Variants in RALYL observed in about 807,000 individuals in gnomAD.
The protein encoded by RALYL is RALY RNA binding protein like, also known as RNA-binding Raly-like protein.
Under a neutral mutation model 35.1 loss-of-function variants are expected in RALYL, and 29 were observed. The ratio of observed to expected loss-of-function variants is 0.83; its 90% confidence interval spans 0.61 to 1.13. The LOEUF (loss-of-function observed/expected upper bound fraction) is 1.13. Among genes scored for constraint, RALYL ranks in the 50% most tolerant of loss-of-function variants. The pLI, the probability that RALYL is intolerant of heterozygous loss-of-function variation, is 0.00. For missense variants in RALYL, 359 were observed against 360.4 expected (o/e 1.00, Z 0.03); for synonymous variants, 120 against 127.6 (o/e 0.94, Z 0.40).
chr8:84,654,300 T>TGCTGCGC (rs1564316587), intron 2 of RALYL, among the ~76,000 whole-genome samples: 1 of 130,348 alleles, frequency 7.7e-6, no homozygotes, highest in Non-Finnish European at 1.7e-5. Context: ...TATATATATA[T>TGCTGCGC]ATATATATAT....
intron 6 of RALYL, among the ~76,000 whole-genome samples, chr8:84,865,341 G>A (rs923558302): frequency 1.3e-5 from 2 of 152,056 alleles, no homozygotes; most frequent in African/African-American, 4.8e-5. Flanking sequence ...AGCATTTAAT[G>A]GTTTGGCAAG....
intron 2 of RALYL, among the ~76,000 whole-genome samples, chr8:84,633,936 A>T (rs907931345): frequency 6.6e-6 from 1 of 151,882 alleles, no homozygotes; most frequent in African/African-American, 2.4e-5. Context: ...ACGAAATTAC[A>T]GGTTTGTACC....
At chr8:84,335,521 A>G (rs1847605318) in intron 1 of RALYL, among the ~76,000 whole-genome samples, 1 of 152,018 alleles carries the variant, frequency 6.6e-6, no homozygotes, top group Non-Finnish European at 1.5e-5. Flanking sequence ...CCTATTGTGC[A>G]AACTGTGGGG....
At chr8:84,548,785 C>T (rs1424982542) in intron 2 of RALYL, among the ~76,000 whole-genome samples, 2 of 152,000 alleles carry the variant, frequency 1.3e-5, no homozygotes, top group Non-Finnish European at 2.9e-5. Flanking sequence ...CATTTTTTCT[C>T]TTTTTCTTTT....
At chr8:84,907,310 TCACACA>T (rs71273918) in intron 8 of RALYL, among the ~76,000 whole-genome samples, 48,614 of 147,648 alleles carry the variant, frequency 0.33, 8,453 homozygotes, top group South Asian at 0.38. Flanking sequence ...AGATATAGCG[TCACACA>T]CACACACACA....
chr8:84,615,570 CTTTTTTTTTTTTTTTTT>C (rs60428128), intron 2 of RALYL, among the ~76,000 whole-genome samples: 13 of 67,394 alleles, frequency 1.9e-4, no homozygotes, highest in African/African-American at 7.1e-4. Flanking sequence ...GAACTTTCGT[CTTTTTTTTTTTTTTTTT>C]TTTTTTTTTT....
At chr8:84,535,602 A>ATTATTTTATTATTTTATTTTATT (rs1554711590) in intron 2 of RALYL, among the ~76,000 whole-genome samples, 2 of 138,394 alleles carry the variant, frequency 1.4e-5, no homozygotes, top group Admixed American at 7.2e-5. Context: ...CGCCCGGCTA[A>ATTATTTTATTATTTTATTTTATT]TTATTTTATT....
intron 1 of RALYL, among the ~76,000 whole-genome samples, chr8:84,221,318 G>C (rs1586293266): frequency 1.3e-5 from 2 of 151,812 alleles, no homozygotes; most frequent in African/African-American, 4.8e-5. Flanking sequence ...TGCGTGCAAA[G>C]AGAAAGAACT....
At chr8:84,475,121 G>A (rs199851821) in intron 1 of RALYL, among the ~76,000 whole-genome samples, 12 of 151,378 alleles carry the variant, frequency 7.9e-5, no homozygotes, top group South Asian at 2.1e-4. Flanking sequence ...CCAAGTGTTC[G>A]CATTGTTCAA....
At chr8:84,247,748 C>T (rs564272898) in intron 1 of RALYL, among the ~76,000 whole-genome samples, 8 of 152,220 alleles carry the variant, frequency 5.3e-5, no homozygotes, top group Non-Finnish European at 1.0e-4. Flanking sequence ...CACGTCTAAT[C>T]GAAGTGAGCC....
At chr8:84,668,570 G>A (rs1485349894) in intron 2 of RALYL, among the ~76,000 whole-genome samples, 1 of 152,172 alleles carries the variant, frequency 6.6e-6, no homozygotes, top group African/African-American at 2.4e-5. Flanking sequence ...CAGTTTGTTG[G>A]TGTAGCAAGG....
At chr8:84,257,136 T>C (rs1468298908) in intron 1 of RALYL, among the ~76,000 whole-genome samples, 1 of 152,050 alleles carries the variant, frequency 6.6e-6, no homozygotes. Context: ...GTTTTTTTAC[T>C]CTTGAGTATA....
At chr8:84,573,548 CA>C (rs1808558924) in intron 2 of RALYL, among the ~76,000 whole-genome samples, 2 of 151,688 alleles carry the variant, frequency 1.3e-5, no homozygotes, top group South Asian at 4.1e-4. Flanking sequence ...TAGATTTATC[CA>C]GTAAGGTTTT....
At chr8:84,767,857 T>C (rs1814490507) in intron 2 of RALYL, among the ~76,000 whole-genome samples, 1 of 152,332 alleles carries the variant, frequency 6.6e-6, no homozygotes, top group East Asian at 1.9e-4. Context: ...GCCTGGTATA[T>C]AGGCATCTGT....
chr8:84,449,108 T>G (rs711008), intron 1 of RALYL, among the ~76,000 whole-genome samples: 3 of 150,428 alleles, frequency 2.0e-5, no homozygotes, highest in Non-Finnish European at 4.4e-5. Context: ...GGTGTGCTAA[T>G]TGCAAAGTGA....
chr8:84,919,475 C>G (rs535105889), intron 8 of RALYL, among the ~76,000 whole-genome samples: 1 of 152,134 alleles, frequency 6.6e-6, no homozygotes, highest in East Asian at 1.9e-4. Flanking sequence ...AAGTTCGAAC[C>G]TTTGTGCCTT....
chr8:84,250,858 C>T (rs1378155200), intron 1 of RALYL, among the ~76,000 whole-genome samples: 1 of 152,022 alleles, frequency 6.6e-6, no homozygotes, highest in Non-Finnish European at 1.5e-5. Flanking sequence ...ATTTTCACTC[C>T]CTCAACCTTT....
intron 2 of RALYL, among the ~76,000 whole-genome samples, chr8:84,541,609 G>A (rs2060021226): frequency 6.6e-6 from 1 of 151,912 alleles, no homozygotes; most frequent in Non-Finnish European, 1.5e-5. Flanking sequence ...GAATTACTCT[G>A]ACCTTCCGCA....
intron 6 of RALYL, among the ~76,000 whole-genome samples, chr8:84,866,511 C>G (rs1839200309): frequency 6.6e-6 from 1 of 152,040 alleles, no homozygotes; most frequent in Admixed American, 6.6e-5. Context: ...ATTGCTGAAC[C>G]TAGAATCCAA....
Sources: gnomAD v4.1 joint callset for allele counts (sites outside exome capture counted in the v4.1 genomes callset) on GRCh38, gnomAD v4.1.1 for gene constraint, MANE v1.5 for transcripts, NCBI Gene and HGNC (gene_info 2026-07-23, HGNC 2026-07-21) for gene names.